Variants in GRIN2A observed in about 807,000 individuals in gnomAD.
GRIN2A encodes glutamate ionotropic receptor NMDA type subunit 2A.
A neutral mutation model predicts 113.4 loss-of-function variants in GRIN2A; 22 were observed. The ratio of observed to expected loss-of-function variants is 0.19; its 90% confidence interval spans 0.14 to 0.28. The LOEUF is 0.28. Among genes scored for constraint, GRIN2A ranks in the 10% least tolerant of loss-of-function variants. The probability of loss-of-function intolerance (pLI) is 1.00; values close to 1 mark genes in which losing one functional copy is unlikely to be tolerated. For synonymous variants in GRIN2A, 827 were observed against 738.4 expected (o/e 1.12, Z -1.94); for missense variants, 1,502 against 1,887.0 (o/e 0.80, Z 3.78).
intron 2 of GRIN2A, among the ~76,000 whole-genome samples, chr16:10,093,636 A>C (rs958887773): frequency 6.6e-6 from 1 of 151,960 alleles, no homozygotes; most frequent in African/African-American, 2.4e-5. Flanking sequence ...AAAACAAAAA[A>C]CCTTTTGCAG....
chr16:10,071,758 T>C (rs2142032366), intron 2 of GRIN2A, among the ~76,000 whole-genome samples: 1 of 152,338 alleles, frequency 6.6e-6, no homozygotes, highest in South Asian at 2.1e-4. Context: ...GCACCAGCCC[T>C]GCCTGCCACT....
intron 2 of GRIN2A, among the ~76,000 whole-genome samples, chr16:9,946,003 T>C (rs987116096): frequency 6.6e-6 from 1 of 152,146 alleles, no homozygotes; most frequent in African/African-American, 2.4e-5. Flanking sequence ...CATAAATGCA[T>C]GGAGAAATGT....
intron 2 of GRIN2A, among the ~76,000 whole-genome samples, chr16:10,091,985 T>C (rs965923221): frequency 1.3e-5 from 2 of 152,224 alleles, no homozygotes; most frequent in Non-Finnish European, 2.9e-5. Context: ...CATTGGATTA[T>C]GTATTTACAA....
chr16:9,761,790 G>A lies in GRIN2A; in HGVS notation c.*1359C>T, dbSNP rs759998456. On this transcript the variant is annotated 3_prime_UTR_variant, in exon 13 of 13. Coordinates refer to ENST00000330684, the MANE Select transcript of GRIN2A (RefSeq NM_001134407.3). ...AGAATAAGAATGGGATAATGCAGGC[G>A]ACTCAGAAATGACAAATACTTTGAG... 5.8e-5 allele frequency: 12 copies of A among 207,250 alleles called. No homozygotes were observed. The highest frequency in any genetic ancestry group is 3.8e-4 in the South Asian group (2 of 5,250). The allele number at this position is 207,250 out of a possible 1,614,324, so 12.8% of individuals were successfully genotyped here.
chr16:9,844,764 C>G (rs958427743), intron 5 of GRIN2A, among the ~76,000 whole-genome samples: 5 of 152,176 alleles, frequency 3.3e-5, no homozygotes, highest in African/African-American at 1.2e-4. Flanking sequence ...TTTCTTCCCA[C>G]CAATGATTTG....
chr16:9,959,959 C>T (rs1001912164), intron 2 of GRIN2A, among the ~76,000 whole-genome samples: 9 of 152,086 alleles, frequency 5.9e-5, no homozygotes, highest in East Asian at 1.9e-4. Context: ...GGTGACAGAG[C>T]GAGATTTCAT....
chr16:10,091,770 G>A (rs2048189046), intron 2 of GRIN2A, among the ~76,000 whole-genome samples: 3 of 152,192 alleles, frequency 2.0e-5, no homozygotes, highest in South Asian at 4.1e-4. Context: ...CCAGACTCAA[G>A]AGACTATATA....
chr16:9,786,912 C>G (rs1902264080), intron 11 of GRIN2A, among the ~76,000 whole-genome samples: 1 of 152,100 alleles, frequency 6.6e-6, no homozygotes. Context: ...TGCCCAAAGC[C>G]CTATCTAAGG....
At chr16:10,004,703 C>G (rs146039490) in intron 2 of GRIN2A, among the ~76,000 whole-genome samples, 5 of 152,252 alleles carry the variant, frequency 3.3e-5, no homozygotes, top group African/African-American at 1.2e-4. Flanking sequence ...CTGTCATCTT[C>G]CCTGGTAGTA....
At chr16:10,063,075 A>C (rs2047578419) in intron 2 of GRIN2A, among the ~76,000 whole-genome samples, 1 of 152,206 alleles carries the variant, frequency 6.6e-6, no homozygotes, top group African/African-American at 2.4e-5. Flanking sequence ...TATTTGCCGC[A>C]ACATGGATGG....
chr16:9,961,213 G>A (rs921505513), intron 2 of GRIN2A, among the ~76,000 whole-genome samples: 4 of 152,068 alleles, frequency 2.6e-5, no homozygotes, highest in Admixed American at 6.6e-5. Flanking sequence ...CTGTGGTCCC[G>A]GAGGAAGACA....
intron 2 of GRIN2A, among the ~76,000 whole-genome samples, chr16:9,981,122 A>C (rs1284458184): frequency 6.6e-6 from 1 of 152,150 alleles, no homozygotes; most frequent in Non-Finnish European, 1.5e-5. Context: ...AAAGGTGCTA[A>C]AGAACTACAA....
chr16:9,791,109 G>C (rs901584472), intron 11 of GRIN2A, among the ~76,000 whole-genome samples: 16 of 152,190 alleles, frequency 1.1e-4, no homozygotes, highest in African/African-American at 3.9e-4. Context: ...CACACCACTA[G>C]GAAACTGCAG....
At position 9,768,929 on chromosome 16, in the gene GRIN2A, G is replaced by A. The variant is rs769482103; in HGVS notation, c.2517C>T (p.His839=). The A allele has an allele frequency of 6.2e-7, 1 of 1,614,196 alleles. No homozygotes were observed. The highest frequency in any genetic ancestry group is 8.5e-7 in the Non-Finnish European group (1 of 1,179,996). Residue 839 remains histidine, a synonymous_variant, in exon 12 of 13, where the codon CAC becomes CAT. Transcript: ENST00000330684. ...AGAAGCGCAGCTTCCAGTAGAAGAGGTGCTCCCAGATGAAGGTGATGAGGC... is the reference window on the plus strand; with the variant it reads ...AGAAGCGCAGCTTCCAGTAGAAGAGATGCTCCCAGATGAAGGTGATGAGGC... The part of the protein sequence containing the change: ...ALSLITFIWE[H]LFYWKLRFCF...
intron 11 of GRIN2A, among the ~76,000 whole-genome samples, chr16:9,793,724 T>C (rs1902769126): frequency 6.6e-6 from 1 of 152,188 alleles, no homozygotes; most frequent in Non-Finnish European, 1.5e-5. Flanking sequence ...TTGACCATTC[T>C]CTTATCTACC....
At chr16:9,964,578 T>A (rs116325314) in intron 2 of GRIN2A, among the ~76,000 whole-genome samples, 265 of 152,320 alleles carry the variant, frequency 1.7e-3, no homozygotes, top group African/African-American at 6.2e-3. Context: ...CCGGAGGCCG[T>A]AGGGGAGAAT....
At chr16:9,924,535 G>C (rs2044419816) in intron 3 of GRIN2A, among the ~76,000 whole-genome samples, 1 of 152,068 alleles carries the variant, frequency 6.6e-6, no homozygotes, top group Admixed American at 6.5e-5. Context: ...ATTATGCTAT[G>C]TCTTCATATT....
At chr16:9,837,530 C>T (rs11865071) in intron 7 of GRIN2A, among the ~76,000 whole-genome samples, 2,521 of 152,226 alleles carry the variant, frequency 0.017, 77 homozygotes, top group African/African-American at 0.058. Context: ...AGAGTTCTCT[C>T]TAGCTCACTA....
intron 11 of GRIN2A, among the ~76,000 whole-genome samples, chr16:9,773,310 A>G (rs1901396703): frequency 1.3e-5 from 2 of 152,250 alleles, no homozygotes; most frequent in African/African-American, 4.8e-5. Context: ...GGGAACTTGC[A>G]GCGGGCTTGA....
Sources: gnomAD v4.1 joint callset for allele counts (sites outside exome capture counted in the v4.1 genomes callset) on GRCh38, gnomAD v4.1.1 for gene constraint, MANE v1.5 for transcripts, NCBI Gene and HGNC (gene_info 2026-07-23, HGNC 2026-07-21) for gene names.